GRID1: variants seen among roughly 807,000 people sequenced by gnomAD.
The protein encoded by GRID1 is glutamate ionotropic receptor delta type subunit 1.
Under a neutral mutation model 98.0 loss-of-function variants are expected in GRID1, and 28 were observed. The ratio of observed to expected loss-of-function variants is 0.29; its 90% CI spans 0.21 to 0.39. The LOEUF is 0.39. Among genes scored for constraint, GRID1 ranks in the 10% least tolerant of loss-of-function variants. The probability of loss-of-function intolerance (pLI) is 1.00; values close to 1 mark genes in which losing one functional copy is unlikely to be tolerated. For missense variants in GRID1, 1,111 were observed against 1,340.5 expected, an observed-to-expected ratio of 0.83 and a Z score of 2.67; for synonymous variants, 553 against 538.5, an observed-to-expected ratio of 1.03 and a Z score of -0.37.
chr10:85,894,264 AAAT>A (rs1314752665), intron 5 of GRID1, among the ~76,000 whole-genome samples: 1 of 152,222 alleles, frequency 6.6e-6, no homozygotes, highest in Non-Finnish European at 1.5e-5. Context: ...CTATATAAAA[AAAT>A]AAAATAAGGA....
At chr10:86,264,036 C>T (rs1179201502) in intron 2 of GRID1, among the ~76,000 whole-genome samples, 1 of 152,188 alleles carries the variant, frequency 6.6e-6, no homozygotes, top group East Asian at 1.9e-4. Context: ...GCCCACCTGC[C>T]GGGTCAGGTG....
At chr10:86,205,471 A>T (rs1159641158) in intron 3 of GRID1, among the ~76,000 whole-genome samples, 10 of 152,198 alleles carry the variant, frequency 6.6e-5, no homozygotes, top group Admixed American at 6.5e-4. Context: ...CAGTAAATCC[A>T]CACCTGCAAG....
intron 2 of GRID1, among the ~76,000 whole-genome samples, chr10:86,299,456 T>C (rs1847648938): frequency 6.6e-6 from 1 of 151,482 alleles, no homozygotes; most frequent in Non-Finnish European, 1.5e-5. Flanking sequence ...TTACATTAGG[T>C]ATATCTCCTA....
chr10:86,202,254 T>C (rs988882938), intron 3 of GRID1, among the ~76,000 whole-genome samples: 2 of 152,240 alleles, frequency 1.3e-5, no homozygotes, highest in African/African-American at 4.8e-5. Context: ...CACCCATCTG[T>C]GTCTTCACTG....
chr10:85,705,129 C>A (rs537723834), intron 12 of GRID1, among the ~76,000 whole-genome samples: 1 of 152,074 alleles, frequency 6.6e-6, no homozygotes, highest in Non-Finnish European at 1.5e-5. Context: ...CAGAGCAGAA[C>A]TGAAGGAAAT....
chr10:85,856,315 C>T (rs1426271205), intron 6 of GRID1, 125 bp from the exon 7 acceptor site: 4 of 821,572 alleles, frequency 4.9e-6, no homozygotes, highest in East Asian at 2.6e-5. Flanking sequence ...GTATCTATGC[C>T]AAGATCCTCG....
At chr10:86,312,828 C>T (rs2132089521) in intron 2 of GRID1, among the ~76,000 whole-genome samples, 1 of 152,310 alleles carries the variant, frequency 6.6e-6, no homozygotes, top group South Asian at 2.1e-4. Context: ...AGTGGACAAA[C>T]CCCAGTGGCC....
chr10:85,771,096 G>A (rs1297987684), intron 8 of GRID1, among the ~76,000 whole-genome samples: 2 of 152,196 alleles, frequency 1.3e-5, no homozygotes, highest in African/African-American at 2.4e-5. Context: ...CCCACAAAGG[G>A]AAGCCCATCA....
intron 2 of GRID1, among the ~76,000 whole-genome samples, chr10:86,245,492 TTG>T (rs1352860489): frequency 0.13 from 2,333 of 18,190 alleles, 50 homozygotes; most frequent in Middle Eastern, 0.27. Context: ...CCTCTACCAT[TTG>T]CTTTACTCCA....
intron 2 of GRID1, among the ~76,000 whole-genome samples, chr10:86,242,520 T>A (rs761653205): frequency 2.0e-5 from 3 of 152,234 alleles, no homozygotes; most frequent in Non-Finnish European, 2.9e-5. Flanking sequence ...TCACAGGCCC[T>A]GGCTCAGCCT....
At chr10:86,164,709 G>A (rs572912984) in intron 3 of GRID1, among the ~76,000 whole-genome samples, 1 of 152,222 alleles carries the variant, frequency 6.6e-6, no homozygotes, top group East Asian at 1.9e-4. Flanking sequence ...GGTGGGAGAG[G>A]GAACAACATT....
At chr10:86,263,423 C>G (rs117188727) in intron 2 of GRID1, among the ~76,000 whole-genome samples, 3,425 of 152,284 alleles carry the variant, frequency 0.022, 44 homozygotes, top group Middle Eastern at 0.051. Flanking sequence ...CCAGGCCCAA[C>G]GGGACGGTTC....
intron 4 of GRID1, among the ~76,000 whole-genome samples, chr10:86,024,400 C>T (rs76735362): frequency 0.022 from 3,350 of 152,258 alleles, 102 homozygotes; most frequent in African/African-American, 0.067. Flanking sequence ...CTCTCTGTCG[C>T]TCTCATCTGT....
rs114971738 is a variant in GRID1 at position 85,958,057 on chromosome 10, C to G, written c.727-41818G>C. On this transcript the variant is annotated intron_variant, in intron 4 of 15. Transcript: ENST00000327946. Reference sequence around the variant, plus strand: ...ATGATGGCAAAACCCAGCAAGTGGACAACAAAGGCAAACCTCACAGGCCCA... The same window carrying G: ...ATGATGGCAAAACCCAGCAAGTGGAGAACAAAGGCAAACCTCACAGGCCCA... Among the ~76,000 whole-genome samples, 268 of 152,330 alleles carry G rather than the reference C, an allele frequency of 1.8e-3. 1 individual carries two copies. The highest frequency in any genetic ancestry group is 6.0e-3 in the African/African-American group (249 of 41,576).
chr10:85,842,727 C>G (rs929387100), intron 8 of GRID1, among the ~76,000 whole-genome samples: 1 of 151,968 alleles, frequency 6.6e-6, no homozygotes, highest in Admixed American at 6.6e-5. Context: ...TCCCAATAAC[C>G]GTTAGAGAAA....
intron 8 of GRID1, among the ~76,000 whole-genome samples, chr10:85,850,325 T>C (rs1002097122): frequency 1.3e-5 from 2 of 152,204 alleles, no homozygotes; most frequent in African/African-American, 4.8e-5. Flanking sequence ...CAAGTCATGC[T>C]TGTGGAGGAA....
chr10:86,234,100 T>C (rs1463116935), intron 2 of GRID1, among the ~76,000 whole-genome samples: 1 of 152,176 alleles, frequency 6.6e-6, no homozygotes, highest in Non-Finnish European at 1.5e-5. Flanking sequence ...TCAACATAGC[T>C]GGTGCCCTAA....
intron 4 of GRID1, among the ~76,000 whole-genome samples, chr10:86,014,992 C>T (rs1280773922): frequency 1.3e-5 from 2 of 152,182 alleles, no homozygotes; most frequent in East Asian, 1.9e-4. Flanking sequence ...ATAAAGTTTT[C>T]GCTCAAATGC....
intron 4 of GRID1, among the ~76,000 whole-genome samples, chr10:86,092,098 C>T (rs1256795703): frequency 6.6e-6 from 1 of 152,132 alleles, no homozygotes; most frequent in Admixed American, 6.5e-5. Flanking sequence ...AAAAAAATCA[C>T]ACTAGTTCAC....
Sources: allele counts gnomAD v4.1 joint callset (sites outside exome capture counted in the v4.1 genomes callset), GRCh38; gene constraint gnomAD v4.1.1; transcripts MANE v1.5; gene names NCBI Gene and HGNC (gene_info 2026-07-23, HGNC 2026-07-21).